The following NACAD variants were observed in gnomAD, a reference collection of about 807,000 sequenced individuals.
NACAD encodes the protein NAC alpha domain containing, also known as NAC-alpha domain-containing protein 1.
NACAD carries 47 observed loss-of-function variants against 98.9 expected under a neutral mutation model. The observed-to-expected ratio is 0.48, with a 90% CI of 0.38 to 0.61. NACAD has a LOEUF of 0.61. NACAD is among the 20% of genes least tolerant of loss of function. The probability of loss-of-function intolerance (pLI) is 0.00; values close to 1 mark genes in which losing one functional copy is unlikely to be tolerated. For missense variants in NACAD, 1,412 were observed against 1,748.2 expected, an observed-to-expected ratio of 0.81 and a Z score of 3.43; for synonymous variants, 696 against 767.2, an observed-to-expected ratio of 0.91 and a Z score of 1.53.
At position 45,085,238 on chromosome 7, in the gene NACAD, C is replaced by G; in HGVS notation, c.942G>C (p.Gln314His). ...PMIPAALLPF[Q>H]GSLIFQVEAV... Reference sequence around the variant, plus strand: ...CCTCCACCTGAAAGATGAGGCTGCCCTGGAAGGGTAGGAGGGCTGCGGGGA... The same window carrying G: ...CCTCCACCTGAAAGATGAGGCTGCCGTGGAAGGGTAGGAGGGCTGCGGGGA... The change falls in exon 2 of 8, where the codon CAG (glutamine) becomes CAC (histidine). Residue 314 changes from glutamine to histidine, a missense_variant. Coordinates refer to ENST00000490531, the MANE Select transcript of NACAD (RefSeq NM_001146334.2). This position sits in a 1 kb window ranked among gnomAD's most constrained non-coding sequence, Gnocchi z 6.1. The G allele has an allele frequency of 7.7e-6, 12 of 1,551,426 alleles. No individual in the cohort carries two copies. The highest frequency in any genetic ancestry group is 1.0e-5 in the Non-Finnish European group (12 of 1,146,924).
In NACAD at chr7:45,085,585, C is replaced by T. The variant is rs528029454; in HGVS notation, c.595G>A (p.Asp199Asn). ...PACGPHGDAR[D>N]SEAELRDELL... ...TCATCCCGCAGCTCAGCCTCTGAGT[C>T]CCTGGCGTCCCCGTGGGGCCCACAG... The change falls in exon 2 of 8, where the codon GAC becomes AAC. Residue 199 changes from aspartate (D) to asparagine (N), a missense_variant. Asp to Asn is a conservative substitution (Grantham distance 23). Around this residue, in one of 5 missense-constraint regions of NACAD, gnomAD observed 638 missense variants for 722.7 expected, o/e 0.88. Transcript: ENST00000490531. The surrounding 1 kb of genome is among the most constrained non-coding windows in gnomAD (Gnocchi z 6.1). 5 of 1,550,052 alleles carry T rather than the reference C, an allele frequency of 3.2e-6. No individual in the cohort carries two copies. The highest frequency in any genetic ancestry group is 4.4e-6 in the Non-Finnish European group (5 of 1,146,746).
rs1422450437 is a variant in NACAD, at chr7:45,085,925, G to A, written c.255C>T (p.Asp85=). 6 of 1,543,818 alleles carry A rather than the reference G, an allele frequency of 3.9e-6. No homozygotes were observed. The highest frequency in any genetic ancestry group is 5.2e-6 in the Non-Finnish European group (6 of 1,144,216). ...TGGGGCTTGGGCCGCCCTCCCCTGGGTCCGCCCAGGCCGAGGGTGCCCCAC... is the reference window on the plus strand; with the variant it reads ...TGGGGCTTGGGCCGCCCTCCCCTGGATCCGCCCAGGCCGAGGGTGCCCCAC... ...GPGGAPSAWA[D]PGEGGPSPML... Residue 85 remains aspartate, a synonymous_variant, in exon 2 of 8, where the codon GAC becomes GAT. Transcript: ENST00000490531. The surrounding 1 kb of genome is among the most constrained non-coding windows in gnomAD (Gnocchi z 6.1).
In NACAD at chr7:45,080,775, G is replaced by A. The variant is rs555878246; in HGVS notation, c.4552-13C>T. On this transcript the variant is annotated splice_polypyrimidine_tract_variant and intron_variant, in intron 6 of 7. Transcript: ENST00000490531. ...CCGCCTCGTCCACCTGGAGTTGGGGGAGCAGGGAAGTGGCTGGAGCTGCTT... is the reference window on the plus strand; with the variant it reads ...CCGCCTCGTCCACCTGGAGTTGGGGAAGCAGGGAAGTGGCTGGAGCTGCTT... The A allele has an allele frequency of 3.9e-6, 6 of 1,550,652 alleles. No homozygotes were observed. In the East Asian group the frequency reaches 9.8e-5, roughly 25 times the overall value.
chr7:45,085,673 G>T lies in NACAD; in HGVS notation c.507C>A (p.Asp169Glu), dbSNP rs1442860820. 6.5e-7 allele frequency: 1 copy of T among 1,549,316 alleles called. No homozygotes were observed. Among genetic ancestry groups the T allele is most frequent in the Non-Finnish European group, 8.7e-7 (1 of 1,146,470 alleles). The change falls in exon 2 of 8, where the codon GAC (aspartate) becomes GAA (glutamate). Residue 169 changes from aspartate to glutamate, a missense_variant. This residue lies in a region of NACAD where 638 missense variants were observed against 722.7 expected (regional missense o/e 0.88). Coordinates refer to ENST00000490531, the MANE Select transcript of NACAD (RefSeq NM_001146334.2). The surrounding 1 kb of genome is among the most constrained non-coding windows in gnomAD (Gnocchi z 6.1). ...GDLSVPSPPP[D>E]PDSFFTPPST... ...AGGGAGGCGTGAAGAAGGAATCAGGGTCTGGGGGAGGGGAAGGCACAGAAA... is the reference window on the plus strand; with the variant it reads ...AGGGAGGCGTGAAGAAGGAATCAGGTTCTGGGGGAGGGGAAGGCACAGAAA...
rs1021572335 is a variant in NACAD, at chr7:45,085,721, G to T, written c.459C>A (p.Pro153=). Residue 153 remains proline, a synonymous_variant, in exon 2 of 8, where the codon CCC becomes CCA. Coordinates refer to ENST00000490531, the MANE Select transcript of NACAD (RefSeq NM_001146334.2). This position sits in a 1 kb window ranked among gnomAD's most constrained non-coding sequence, Gnocchi z 6.1. ...AAAGATCACCCTGAGAACACAGCTC[G>T]GGGGGTGGGTCTGGGCTTGCGTGCC... The part of the protein sequence containing the change: ...EGGHASPDPP[P]ELCSQGDLSV... The T allele has an allele frequency of 1.9e-6, 3 of 1,549,864 alleles. No individual in the cohort carries two copies. The East Asian group carries it at 7.3e-5, about 38-fold the overall frequency.
At position 45,088,412 on chromosome 7, in the gene NACAD, G is replaced by A. The variant is rs999531316; in HGVS notation, c.67+416C>T. ...CCCAGGACAGACCGGGTGCAACTGA[G>A]GACCCTCCCGGTGGTCACCTGATCG... On this transcript the variant is annotated intron_variant, in intron 1 of 7. Transcript: ENST00000490531. This position sits in a 1 kb window ranked among gnomAD's most constrained non-coding sequence, Gnocchi z 5.7. Among the ~76,000 whole-genome samples the A allele has an allele frequency of 2.0e-5, 3 of 152,184 alleles. No homozygotes were observed. The highest frequency in any genetic ancestry group is 6.5e-5 in the Admixed American group (1 of 15,280).
intron 1 of NACAD, among the ~76,000 whole-genome samples, chr7:45,086,908 G>T (rs549090329): frequency 6.6e-6 from 1 of 152,348 alleles, no homozygotes; most frequent in East Asian, 1.9e-4. Flanking sequence ...CCTCTCCTTG[G>T]TGGCAGCCAC....
rs767701561 is a variant in NACAD at position 45,080,922 on chromosome 7, C to T, written c.4505G>A (p.Arg1502Gln). ...ALVPESAPRPRVRLECKEEEE... is the reference protein window; with the variant it reads ...ALVPESAPRPQVRLECKEEEE... ...CTCTTCCTTGCACTCCAGCCTCACC[C>T]GGGGCCTGGGTGCTGACTCAGGGAC... The change falls in exon 6 of 8, where the codon CGG becomes CAG. Residue 1502 changes from arginine (R) to glutamine (Q), a missense_variant. This residue lies in a region of NACAD where 88 missense variants were observed against 105.4 expected (regional missense o/e 0.84). Coordinates refer to ENST00000490531, the MANE Select transcript of NACAD (RefSeq NM_001146334.2). The T allele has an allele frequency of 1.5e-5, 24 of 1,554,596 alleles. No individual in the cohort carries two copies. Among genetic ancestry groups the T allele is most frequent in the East Asian group, 1.2e-4 (5 of 41,152 alleles).
Position 45,085,560 on chromosome 7 carries a change from T to G in NACAD, c.620A>C (p.Glu207Ala). 1 of 1,549,860 alleles carries G rather than the reference T, an allele frequency of 6.5e-7. No individual in the cohort carries two copies. Among genetic ancestry groups the G allele is most frequent in the Non-Finnish European group, 8.7e-7 (1 of 1,146,782 alleles). ...ARDSEAELRDELLDSPPASPS... is the reference protein window; with the variant it reads ...ARDSEAELRDALLDSPPASPS... The stretch of plus-strand genomic sequence containing the variant: ...TGAGGCGGGGGGCGAGTCCAGCAGC[T>G]CATCCCGCAGCTCAGCCTCTGAGTC... Residue 207 changes from glutamate (E) to alanine (A), a missense_variant, in exon 2 of 8, where the codon GAG becomes GCG. Transcript: ENST00000490531. The surrounding 1 kb of genome is among the most constrained non-coding windows in gnomAD (Gnocchi z 6.1).
Position 45,080,953 on chromosome 7 carries a change from C to CTGAG in NACAD, c.4470_4473dup (p.Ala1492LeufsTer6). 3.2e-6 allele frequency: 5 copies of CTGAG among 1,552,004 alleles called. No homozygotes were observed. The highest frequency in any genetic ancestry group is 3.5e-6 in the Non-Finnish European group (4 of 1,147,198). Reference sequence around the variant, plus strand: ...CTGGGTGCTGACTCAGGGACCAAGGCTGAGGGCTCTGAGGGCACCTTAAAC... The same window carrying CTGAG: ...CTGGGTGCTGACTCAGGGACCAAGGCTGAGTGAGGGCTCTGAGGGCACCTTAAAC... On this transcript the variant is annotated frameshift_variant, in exon 6 of 8. Coordinates refer to ENST00000490531, the MANE Select transcript of NACAD (RefSeq NM_001146334.2). LOFTEE classifies it high-confidence loss of function.
At position 45,082,383 on chromosome 7, in the gene NACAD, C is replaced by G; in HGVS notation, c.3797G>C (p.Gly1266Ala). 1 of 1,549,876 alleles carries G rather than the reference C, an allele frequency of 6.5e-7. No homozygotes were observed. The highest frequency in any genetic ancestry group is 1.2e-5 in the South Asian group (1 of 84,022). ...CTGGGGCGGTGGGAGGCCCAGAGAGCCTGGGGGCTCCTCGTCTTCCACAGA... is the reference window on the plus strand; with the variant it reads ...CTGGGGCGGTGGGAGGCCCAGAGAGGCTGGGGGCTCCTCGTCTTCCACAGA... ...EDSVEDEEPP[G>A]SLGLPPPQAG... Residue 1266 changes from glycine to alanine, a missense_variant, in exon 2 of 8, where the codon GGC becomes GCC. Physicochemically the swap from Gly to Ala is moderately conservative, Grantham distance 60. Coordinates refer to ENST00000490531, the MANE Select transcript of NACAD (RefSeq NM_001146334.2). The surrounding 1 kb of genome is among the most constrained non-coding windows in gnomAD (Gnocchi z 4.5).
Position 45,083,540 on chromosome 7 carries a change from G to A in NACAD, c.2640C>T (p.Ser880=), listed in dbSNP as rs536790948. ...AEEGLTLPQD[S]AMTPPLPLQD... is the part of the protein sequence containing the mutation. ...GTAGGGGCAGAGGCGGTGTCATAGC[G>A]GAGTCCTGGGGTAAGGTGAGGCCCT... The change falls in exon 2 of 8, where the codon TCC becomes TCT. Residue 880 remains serine (S), a synonymous_variant. Coordinates refer to ENST00000490531, the MANE Select transcript of NACAD (RefSeq NM_001146334.2). 178 of 939,520 alleles carry A rather than the reference G, an allele frequency of 1.9e-4. No homozygotes were observed. Among genetic ancestry groups the A allele is most frequent in the Non-Finnish European group, 2.3e-4 (162 of 705,744 alleles). The allele number at this position is 939,520 out of a possible 1,614,324, so 58.2% of individuals were successfully genotyped here.
Position 45,080,508 on chromosome 7 carries a change from G to A in NACAD, c.*1C>T, listed in dbSNP as rs1301557430. 4.5e-6 allele frequency: 7 copies of A among 1,551,432 alleles called. No individual in the cohort carries two copies. In the Admixed American group the frequency reaches 7.8e-5, roughly 17 times the overall value. On this transcript the variant is annotated 3_prime_UTR_variant, in exon 8 of 8. Transcript: ENST00000490531. ...GGATGGCTCCAGCTTCCGGTCAGTG[G>A]CTACATGGTCAGTTCCTGCAGAAAG... is the stretch of plus-strand genomic sequence containing the variant.
rs572657826 is a variant in NACAD, at chr7:45,088,569, C to G, written c.67+259G>C. On this transcript the variant is annotated intron_variant, in intron 1 of 7. Coordinates refer to ENST00000490531, the MANE Select transcript of NACAD (RefSeq NM_001146334.2). The surrounding 1 kb of genome is among the most constrained non-coding windows in gnomAD (Gnocchi z 5.7). ...GGGCGGGATGCGAGCCCCACGATCCCTGGGTCGGAAGCCAAGGGCTTAAGC... is the reference window on the plus strand; with the variant it reads ...GGGCGGGATGCGAGCCCCACGATCCGTGGGTCGGAAGCCAAGGGCTTAAGC... Among the ~76,000 whole-genome samples the G allele has an allele frequency of 3.3e-4, 51 of 152,350 alleles. No homozygotes were observed. The highest frequency in any genetic ancestry group is 1.2e-3 in the African/African-American group (49 of 41,584).
chr7:45,082,272 G>C lies in NACAD; in HGVS notation c.3908C>G (p.Ser1303Cys). Residue 1303 changes from serine (S) to cysteine (C), a missense_variant, in exon 2 of 8, where the codon TCC becomes TGC. Around this residue, in one of 5 missense-constraint regions of NACAD, gnomAD observed 572 missense variants for 639.6 expected, o/e 0.89. Coordinates refer to ENST00000490531, the MANE Select transcript of NACAD (RefSeq NM_001146334.2). The surrounding 1 kb of genome is among the most constrained non-coding windows in gnomAD (Gnocchi z 4.5). ...TGPRVSLSPH[S>C]PLLSPKVASM... ...GGCCACCTTGGGGCTGAGGAGTGGG[G>C]AGTGAGGCGAGAGGCTGACTCGCGG... 1.3e-6 allele frequency: 2 copies of C among 1,550,638 alleles called. No individual in the cohort carries two copies. Among genetic ancestry groups the C allele is most frequent in the Non-Finnish European group, 1.7e-6 (2 of 1,146,938 alleles).
Position 45,082,804 on chromosome 7 carries a change from C to T in NACAD, c.3376G>A (p.Glu1126Lys). The change falls in exon 2 of 8, where the codon GAA (glutamate) becomes AAA (lysine). Residue 1126 changes from glutamate (E) to lysine (K), a missense_variant. Around this residue, in one of 5 missense-constraint regions of NACAD, gnomAD observed 572 missense variants for 639.6 expected, o/e 0.89. Coordinates refer to ENST00000490531, the MANE Select transcript of NACAD (RefSeq NM_001146334.2). This position sits in a 1 kb window ranked among gnomAD's most constrained non-coding sequence, Gnocchi z 4.5. ...QARLLSPARE[E>K]RGLSGKSTPE... ...GTGGACTTGCCACTCAGGCCTCTTTCCTCCCTGGCTGGGCTCAGGAGCCGG... is the reference window on the plus strand; with the variant it reads ...GTGGACTTGCCACTCAGGCCTCTTTTCTCCCTGGCTGGGCTCAGGAGCCGG... 6.5e-7 allele frequency: 1 copy of T among 1,549,802 alleles called. No individual in the cohort carries two copies. Among genetic ancestry groups the T allele is most frequent in the Non-Finnish European group, 8.7e-7 (1 of 1,146,630 alleles).
At position 45,088,834 on chromosome 7, in the gene NACAD, G is replaced by T. The variant is rs1398727382; in HGVS notation, c.61C>A (p.Arg21Ser). ...LLPEADRPGP[R>S]TDLSCDAAAA... is the part of the protein sequence containing the mutation. ...AGAGTGGCCACGGCCTCACCTGTGC[G>T]GGGCCCGGGTCGGTCCGCCTCGGGC... is the stretch of plus-strand genomic sequence containing the variant. Residue 21 changes from arginine (R) to serine (S), a missense_variant, in exon 1 of 8, where the codon CGC becomes AGC. Arg to Ser is a moderately radical substitution (Grantham distance 110). Coordinates refer to ENST00000490531, the MANE Select transcript of NACAD (RefSeq NM_001146334.2). This position sits in a 1 kb window ranked among gnomAD's most constrained non-coding sequence, Gnocchi z 5.7. The T allele has an allele frequency of 1.3e-6, 2 of 1,492,992 alleles. No homozygotes were observed. The highest frequency in any genetic ancestry group is 1.8e-6 in the Non-Finnish European group (2 of 1,126,444). The allele number at this position is 1,492,992 out of a possible 1,614,324, so 92.5% of individuals were successfully genotyped here.
chr7:45,081,915 G>A (rs912046608), intron 2 of NACAD, 48 bp from the exon 3 acceptor site: 19 of 1,515,618 alleles, frequency 1.3e-5, no homozygotes, highest in Admixed American at 3.9e-5. Context: ...TCTAGGTGGC[G>A]GGGAAGGGGG....
chr7:45,080,463 C>G lies in NACAD; in HGVS notation c.*46G>C, dbSNP rs1224156038. ...GAAGGGACACCGATTTATTGAGTAG[C>G]AGAGCTGAGGGAAGGCGTAGGATGG... On this transcript the variant is annotated 3_prime_UTR_variant, in exon 8 of 8. Transcript: ENST00000490531. 6.4e-7 allele frequency: 1 copy of G among 1,551,346 alleles called. No individual in the cohort carries two copies. Among genetic ancestry groups the G allele is most frequent in the Admixed American group, 2.0e-5 (1 of 50,996 alleles).
Sources: allele counts gnomAD v4.1 joint callset (sites outside exome capture counted in the v4.1 genomes callset), GRCh38; gene constraint gnomAD v4.1.1; regional missense constraint gnomAD v4.1.1; non-coding constraint Gnocchi (gnomAD v3.1); transcripts MANE v1.5; gene names NCBI Gene and HGNC (gene_info 2026-07-23, HGNC 2026-07-21).